Variants in DLGAP1 observed in about 807,000 individuals in gnomAD.
DLGAP1 encodes the protein disks large-associated protein 1.
Under a neutral mutation model 90.8 loss-of-function variants are expected in DLGAP1, and 11 were observed. The ratio of observed to expected loss-of-function variants is 0.12; its 90% CI spans 0.08 to 0.20. The LOEUF (loss-of-function observed/expected upper bound fraction) is 0.20. Ranked by LOEUF, DLGAP1 falls within the 10% of genes least tolerant of loss-of-function variation. The pLI is 1.00. For missense variants in DLGAP1, 1,050 were observed against 1,333.8 expected (o/e 0.79, Z 3.31); for synonymous variants, 558 against 540.7 (o/e 1.03, Z -0.44).
chr18:3,868,643 T>G (rs915104536), intron 4 of DLGAP1, among the ~76,000 whole-genome samples: 1 of 152,196 alleles, frequency 6.6e-6, no homozygotes, highest in Non-Finnish European at 1.5e-5. Flanking sequence ...ATAATTTCAT[T>G]AAATGTATTA....
At chr18:3,524,031 G>A (rs2051440242) in intron 10 of DLGAP1, among the ~76,000 whole-genome samples, 1 of 152,136 alleles carries the variant, frequency 6.6e-6, no homozygotes, top group Non-Finnish European at 1.5e-5. Context: ...CATTTTTGGA[G>A]GCCAAGGCAG....
At chr18:4,111,373 T>TTG (rs1242233102) in intron 2 of DLGAP1, among the ~76,000 whole-genome samples, 2 of 152,140 alleles carry the variant, frequency 1.3e-5, no homozygotes, top group African/African-American at 2.4e-5. Context: ...CAGAGTTTTG[T>TTG]TGTTTTTTTC....
At chr18:4,042,059 G>A (rs889066053) in intron 2 of DLGAP1, among the ~76,000 whole-genome samples, 4 of 152,100 alleles carry the variant, frequency 2.6e-5, no homozygotes, top group Non-Finnish European at 5.9e-5. Flanking sequence ...TCTAAGAATT[G>A]TGTGTTCCTT....
intron 2 of DLGAP1, among the ~76,000 whole-genome samples, chr18:4,132,295 A>G (rs894062940): frequency 2.6e-5 from 4 of 152,188 alleles, no homozygotes; most frequent in African/African-American, 7.2e-5. Context: ...CTCACATTGT[A>G]TAATCACTAA....
intron 1 of DLGAP1, among the ~76,000 whole-genome samples, chr18:4,179,514 A>G (rs1280353519): frequency 6.6e-6 from 1 of 152,150 alleles, no homozygotes; most frequent in African/African-American, 2.4e-5. Context: ...ACGCACTGTG[A>G]TAAGTGTCTT....
At chr18:3,959,603 G>A (rs1484558834) in intron 3 of DLGAP1, among the ~76,000 whole-genome samples, 1 of 151,990 alleles carries the variant, frequency 6.6e-6, no homozygotes. Context: ...GGTGGAGGTT[G>A]CGGGGAGCTG....
chr18:3,723,429 T>C (rs1428164307), intron 7 of DLGAP1, among the ~76,000 whole-genome samples: 2 of 152,246 alleles, frequency 1.3e-5, no homozygotes, highest in African/African-American at 4.8e-5. Context: ...GTCTGTGGCT[T>C]GTGCAGTTTG....
At position 4,010,957 on chromosome 18, in the gene DLGAP1, C is replaced by T. The variant is rs188208752; in HGVS notation, c.-158-5756G>A. ...TTGGGAGGCCGAGGCGAGTAGATCA[C>T]CTGAGGTCAGAAGTTTGAGACCAGC... is the stretch of plus-strand genomic sequence containing the variant. On this transcript the variant is annotated intron_variant, in intron 2 of 12. Transcript: ENST00000315677. 4.9e-3 allele frequency among the ~76,000 whole-genome samples: 749 copies of T among 151,964 alleles called. 2 individuals are homozygous for T. Among genetic ancestry groups the T allele is most frequent in the Non-Finnish European group, 7.5e-3 (507 of 67,960 alleles).
At chr18:4,289,954 T>A (rs2079805630) in intron 1 of DLGAP1, among the ~76,000 whole-genome samples, 1 of 152,220 alleles carries the variant, frequency 6.6e-6, no homozygotes, top group South Asian at 2.1e-4. Flanking sequence ...TCTTTGAGAC[T>A]CTTCATCTTT....
chr18:4,324,406 A>G (rs2080768740), intron 1 of DLGAP1, among the ~76,000 whole-genome samples: 1 of 151,922 alleles, frequency 6.6e-6, no homozygotes, highest in African/African-American at 2.4e-5. Context: ...GCCCAAGGCC[A>G]GATGGATTCA....
intron 2 of DLGAP1, among the ~76,000 whole-genome samples, chr18:4,104,140 A>C (rs1050497751): frequency 3.3e-5 from 5 of 151,986 alleles, no homozygotes; most frequent in African/African-American, 1.2e-4. Context: ...TTCAGAATAT[A>C]AAAATTATTT....
At chr18:3,587,632 G>A (rs1261111508) in intron 7 of DLGAP1, among the ~76,000 whole-genome samples, 2 of 152,136 alleles carry the variant, frequency 1.3e-5, no homozygotes, top group African/African-American at 4.8e-5. Context: ...TGGAAGCTTT[G>A]TTCTTTCGCT....
intron 1 of DLGAP1, among the ~76,000 whole-genome samples, chr18:4,345,218 T>C (rs758997629): frequency 1.3e-5 from 2 of 152,022 alleles, no homozygotes; most frequent in African/African-American, 2.4e-5. Context: ...TGGCTCCCCT[T>C]TTTTTTAATC....
chr18:4,275,710 A>G (rs2079396732), intron 1 of DLGAP1, among the ~76,000 whole-genome samples: 1 of 152,072 alleles, frequency 6.6e-6, no homozygotes. Context: ...TGTGCTAGTC[A>G]TACTATTAGA....
At chr18:3,757,507 T>C (rs1029358441) in intron 5 of DLGAP1, among the ~76,000 whole-genome samples, 3 of 152,198 alleles carry the variant, frequency 2.0e-5, no homozygotes, top group Middle Eastern at 3.4e-3. Flanking sequence ...AAAACAATAG[T>C]AAACGGAATC....
chr18:3,774,968 T>TAACTG (rs774238648), intron 5 of DLGAP1, among the ~76,000 whole-genome samples: 1 of 152,126 alleles, frequency 6.6e-6, no homozygotes, highest in Non-Finnish European at 1.5e-5. Context: ...GCGTTTTCAC[T>TAACTG]AACTGAACTC....
intron 3 of DLGAP1, among the ~76,000 whole-genome samples, chr18:3,897,980 G>A (rs1020210983): frequency 2.0e-5 from 3 of 151,494 alleles, no homozygotes; most frequent in African/African-American, 4.9e-5. Context: ...ATTTTTAGTA[G>A]AGACGGGGTT....
At chr18:3,850,983 C>T (rs1412547367) in intron 4 of DLGAP1, among the ~76,000 whole-genome samples, 2 of 152,052 alleles carry the variant, frequency 1.3e-5, no homozygotes, top group Non-Finnish European at 2.9e-5. Context: ...CTATTCCAAA[C>T]AACAAAACAA....
intron 3 of DLGAP1, among the ~76,000 whole-genome samples, chr18:3,899,999 AC>A (rs1336770103): frequency 2.6e-5 from 4 of 152,346 alleles, no homozygotes; most frequent in African/African-American, 9.6e-5. Context: ...AAAACAAAAA[AC>A]AAAACCAAAA....
Sources: gnomAD v4.1 joint callset for allele counts (sites outside exome capture counted in the v4.1 genomes callset) on GRCh38, gnomAD v4.1.1 for gene constraint, MANE v1.5 for transcripts, NCBI Gene and HGNC (gene_info 2026-07-23, HGNC 2026-07-21) for gene names.